DIAPH2: variants seen among roughly 807,000 people sequenced by gnomAD.
The protein encoded by DIAPH2 is protein diaphanous homolog 2.
Under a neutral mutation model 92.7 loss-of-function variants are expected in DIAPH2, and 35 were observed. The observed-to-expected ratio is 0.38, with a 90% confidence interval of 0.29 to 0.50. The LOEUF (loss-of-function observed/expected upper bound fraction) is 0.50, where lower values mean the gene tolerates loss of function less well. Ranked by LOEUF, DIAPH2 falls within the 20% of genes least tolerant of loss-of-function variation. The probability of loss-of-function intolerance (pLI) is 0.94; values close to 1 mark genes in which losing one functional copy is unlikely to be tolerated. For synonymous variants in DIAPH2, 301 were observed against 280.4 expected (o/e 1.07, Z -0.73); for missense variants, 701 against 819.5 (o/e 0.86, Z 1.77).
chrX:97,518,566 G>A (rs1602644346), intron 26 of DIAPH2, among the ~76,000 whole-genome samples: 1 of 109,731 alleles, frequency 9.1e-6, no homozygotes, highest in East Asian at 2.8e-4. Context: ...ATATATATAT[G>A]TGTGTATATA....
At chrX:97,139,539 C>T (rs2067196049) in intron 21 of DIAPH2, among the ~76,000 whole-genome samples, 1 of 108,527 alleles carries the variant, frequency 9.2e-6, no homozygotes, top group Middle Eastern at 4.7e-3. Context: ...ACAAGACAAA[C>T]ATTTGGCCAT....
In DIAPH2 at chrX:96,800,757, T is replaced by C. The variant is rs1029485393; in HGVS notation, c.447+42499T>C. On this transcript the variant is annotated intron_variant, in intron 4 of 26. Coordinates refer to ENST00000324765, the MANE Select transcript of DIAPH2 (RefSeq NM_006729.5). ...AAAAAGGCAAAGAAATGAAGGATTA[T>C]TGCAGTTGGTGCAATCCCCGATACA... Among the ~76,000 whole-genome samples, 13 of 112,274 alleles carry C rather than the reference T, an allele frequency of 1.2e-4. No individual in the cohort carries two copies. In the Admixed American group the frequency reaches 1.2e-3, roughly 11 times the overall value.
chrX:97,345,156 G>A (rs1262260327), intron 23 of DIAPH2, among the ~76,000 whole-genome samples: 11 of 111,815 alleles, frequency 9.8e-5, no homozygotes, highest in African/African-American at 3.6e-4. Context: ...TTTATATGAA[G>A]CATTACGTGT....
chrX:96,718,449 G>A (rs1307068145), intron 1 of DIAPH2, among the ~76,000 whole-genome samples: 2 of 92,818 alleles, frequency 2.2e-5, no homozygotes, highest in Non-Finnish European at 4.1e-5. Flanking sequence ...TGCCTCCCAC[G>A]TTCAAGCGAT....
chrX:97,058,338 G>A (rs993384756), intron 17 of DIAPH2, among the ~76,000 whole-genome samples: 6 of 111,056 alleles, frequency 5.4e-5, no homozygotes, highest in Non-Finnish European at 1.1e-4. Context: ...AACTGATCAA[G>A]TGAGTGATCT....
intron 9 of DIAPH2, among the ~76,000 whole-genome samples, chrX:96,921,988 A>C (rs1471442888): frequency 1.3e-4 from 15 of 111,670 alleles, no homozygotes; most frequent in Non-Finnish European, 3.8e-5. Flanking sequence ...AAAATTAAGA[A>C]ATTAAAAATA....
At chrX:97,410,738 A>T (rs2069861849) in intron 25 of DIAPH2, among the ~76,000 whole-genome samples, 1 of 112,232 alleles carries the variant, frequency 8.9e-6, no homozygotes, top group South Asian at 3.7e-4. Context: ...AAACCATGGC[A>T]TGAGAACTAC....
chrX:97,162,513 C>G (rs890670629), intron 22 of DIAPH2, among the ~76,000 whole-genome samples: 8 of 111,164 alleles, frequency 7.2e-5, no homozygotes, highest in Non-Finnish European at 1.3e-4. Flanking sequence ...TCCCCTCCCC[C>G]TCTCTTCTTC....
At chrX:96,895,067 A>G (rs185620306) in intron 5 of DIAPH2, among the ~76,000 whole-genome samples, 27 of 101,443 alleles carry the variant, frequency 2.7e-4, no homozygotes, top group Non-Finnish European at 4.7e-4. Flanking sequence ...GTAGTGGCGC[A>G]ATCTCGGCTC....
At chrX:96,984,011 T>C (rs1391208057) in intron 17 of DIAPH2, among the ~76,000 whole-genome samples, 1 of 111,589 alleles carries the variant, frequency 9.0e-6, no homozygotes, top group East Asian at 2.8e-4. Context: ...AAGAGTTTGT[T>C]CTGGTTTTTA....
Position 96,912,400 on chromosome X carries a change from A to T in DIAPH2, c.660A>T (p.Lys220Asn), listed in dbSNP as rs1226285327. 1.7e-6 allele frequency: 2 copies of T among 1,199,965 alleles called. No homozygotes were observed. The highest frequency in any genetic ancestry group is 3.5e-5 in the African/African-American group (2 of 56,950). ...AGCTGGAAAAGCTTCTGGACAAAAA[A>T]CAGTAAGAATAAACACTGAAATTAA... Reference protein sequence around the residue: ...LDELEKLLDKKQQENIDKKNQ... With the variant: ...LDELEKLLDKNQQENIDKKNQ... The change falls in exon 6 of 27, where the codon AAA (lysine) becomes AAT (asparagine). Residue 220 changes from lysine (K) to asparagine (N), a missense_variant and splice_region_variant. Lys to Asn is a moderately conservative substitution (Grantham distance 94). This residue lies in a region of DIAPH2 where 34 missense variants were observed against 74.7 expected (regional missense o/e 0.46). Coordinates refer to ENST00000324765, the MANE Select transcript of DIAPH2 (RefSeq NM_006729.5).
chrX:97,433,848 A>G (rs1279731608), intron 26 of DIAPH2, among the ~76,000 whole-genome samples: 1 of 112,214 alleles, frequency 8.9e-6, no homozygotes, highest in Non-Finnish European at 1.9e-5. Flanking sequence ...GCAGAAGATA[A>G]TAAGTATCAT....
chrX:96,814,151 T>C (rs781256175), intron 4 of DIAPH2, among the ~76,000 whole-genome samples: 1 of 112,119 alleles, frequency 8.9e-6, no homozygotes, highest in South Asian at 3.8e-4. Flanking sequence ...CCTGTCACTT[T>C]CAGGTACCCC....
chrX:97,483,702 A>G (rs2070668121), intron 26 of DIAPH2, among the ~76,000 whole-genome samples: 1 of 111,623 alleles, frequency 9.0e-6, no homozygotes, highest in African/African-American at 3.3e-5. Flanking sequence ...GCCTCTACTT[A>G]TACCTACAGA....
At chrX:96,967,011 T>C (rs910203649) in intron 17 of DIAPH2, among the ~76,000 whole-genome samples, 2 of 112,082 alleles carry the variant, frequency 1.8e-5, no homozygotes, top group African/African-American at 6.5e-5. Context: ...TCACAGGCAA[T>C]TTTATTTTAC....
At chrX:96,970,916 AAGAT>A (rs1160423408) in intron 17 of DIAPH2, among the ~76,000 whole-genome samples, 1 of 111,659 alleles carries the variant, frequency 9.0e-6, no homozygotes. Flanking sequence ...CTGCATCCTC[AAGAT>A]TTTGGTATGT....
intron 26 of DIAPH2, among the ~76,000 whole-genome samples, chrX:97,563,497 TTCTC>T (rs2071307148): frequency 8.9e-6 from 1 of 111,850 alleles, no homozygotes; most frequent in Non-Finnish European, 1.9e-5. Context: ...CACTTAATAT[TTCTC>T]TCTCAGCTCC....
intron 3 of DIAPH2, among the ~76,000 whole-genome samples, chrX:96,752,311 CTG>C (rs2064199497): frequency 8.9e-6 from 1 of 111,734 alleles, no homozygotes; most frequent in African/African-American, 3.3e-5. Flanking sequence ...GTATAAAAAA[CTG>C]TTGCTGATTC....
intron 23 of DIAPH2, among the ~76,000 whole-genome samples, chrX:97,309,976 G>C (rs1016789677): frequency 8.9e-6 from 1 of 111,755 alleles, no homozygotes; most frequent in Non-Finnish European, 1.9e-5. Flanking sequence ...GGGTGTGGGG[G>C]AAGGAAAAGA....
Sources: allele counts gnomAD v4.1 joint callset (sites outside exome capture counted in the v4.1 genomes callset), GRCh38; gene constraint gnomAD v4.1.1; regional missense constraint gnomAD v4.1.1; transcripts MANE v1.5; gene names NCBI Gene and HGNC (gene_info 2026-07-23, HGNC 2026-07-21).